KIF22: variants seen among roughly 807,000 people sequenced by gnomAD.
The protein encoded by KIF22 is kinesin-like protein KIF22.
A neutral mutation model predicts 73.0 loss-of-function variants in KIF22; 62 were observed. The ratio of observed to expected loss-of-function variants is 0.85; its 90% confidence interval spans 0.69 to 1.05. The LOEUF (loss-of-function observed/expected upper bound fraction) is 1.05. KIF22 is among the 50% of genes least tolerant of loss of function. The probability of loss-of-function intolerance (pLI) is 0.00; values close to 1 mark genes in which losing one functional copy is unlikely to be tolerated. For synonymous variants in KIF22, 411 were observed against 340.1 expected, an observed-to-expected ratio of 1.21 and a Z score of -2.29; for missense variants, 854 against 870.1, an observed-to-expected ratio of 0.98 and a Z score of 0.23.
At chr16:29,801,738 G>A (rs1191132410) in intron 8 of KIF22, among the ~76,000 whole-genome samples, 1 of 152,162 alleles carries the variant, frequency 6.6e-6, no homozygotes, top group Non-Finnish European at 1.5e-5. Flanking sequence ...GAGTCAGGAA[G>A]GAAGAGATGA....
rs374120357 is a variant in KIF22, at chr16:29,805,175, G to A, written c.1950+1G>A. ...GAAACAGATGGAGTCCTTCCTGAAG[G>A]TGAAGTCACGGCCCTGCCCCTCCTC... On this transcript the variant is annotated splice_donor_variant, in intron 13 of 13. Transcript: ENST00000160827. LOFTEE classifies it high-confidence loss of function. The A allele has an allele frequency of 6.2e-7, 1 of 1,613,964 alleles. No individual in the cohort carries two copies. The highest frequency in any genetic ancestry group is 1.7e-5 in the Admixed American group (1 of 59,996).
chr16:29,793,700 T>G (rs1898879925), intron 1 of KIF22, among the ~76,000 whole-genome samples: 1 of 151,966 alleles, frequency 6.6e-6, no homozygotes, highest in South Asian at 2.1e-4. Context: ...AAGCATATGC[T>G]AACAGTCTAA....
chr16:29,800,366 A>G, intron 8 of KIF22: 1 of 227,566 alleles, frequency 4.4e-6, no homozygotes, highest in Non-Finnish European at 8.8e-6. Flanking sequence ...CTGAGGCAGG[A>G]GAATCCCTTG....
In KIF22 at chr16:29,799,296, C is replaced by G; in HGVS notation, c.792C>G (p.Arg264=). The change falls in exon 6 of 14, where the codon CGC becomes CGG. Residue 264 remains arginine (R), a synonymous_variant. Transcript: ENST00000160827. The part of the protein sequence containing the change: ...VDQRERLAPF[R]QREGKLYLID... ...AGCGGGAACGTTTGGCCCCATTTCG[C>G]CAGCGAGAGGGAAAACTCTACCTGA... 1 of 1,614,060 alleles carries G rather than the reference C, an allele frequency of 6.2e-7. No individual in the cohort carries two copies. Among genetic ancestry groups the G allele is most frequent in the Non-Finnish European group, 8.5e-7 (1 of 1,179,966 alleles).
rs777665505 is a variant in KIF22 at position 29,797,107 on chromosome 16, C to T, written c.266+19C>T. 6.2e-5 allele frequency: 95 copies of T among 1,532,088 alleles called. 1 individual carries two copies. The Middle Eastern group carries it at 3.9e-3, about 62-fold the overall frequency. 94.9% of individuals were successfully genotyped at this position (1,532,088 alleles called of 1,614,324 possible). ...AATACCAGTAAGGTTCAGGCCACTC[C>T]TCTTCCCTCATGCCATCACCTCCCT... On this transcript the variant is annotated intron_variant, in intron 2 of 13. Transcript: ENST00000160827. The surrounding 1 kb of genome is among the most constrained non-coding windows in gnomAD (Gnocchi z 4.1).
chr16:29,796,117 A>T (rs1898942190), intron 1 of KIF22, among the ~76,000 whole-genome samples: 1 of 151,914 alleles, frequency 6.6e-6, no homozygotes, highest in Non-Finnish European at 1.5e-5. Context: ...CTGAAGATAC[A>T]AAAACTAGCC....
In KIF22 at chr16:29,804,321, A is replaced by G. The variant is rs1899261665; in HGVS notation, c.1677+256A>G. The G allele has an allele frequency of 1.3e-5, 8 of 602,926 alleles. No individual in the cohort carries two copies. In the South Asian group the frequency reaches 1.6e-4, roughly 12 times the overall value. 37.3% of individuals were successfully genotyped at this position (602,926 alleles called of 1,614,324 possible). A position where few individuals can be genotyped will look rare whatever the true frequency, so the allele number is the denominator to read the frequency against. The stretch of plus-strand genomic sequence containing the variant: ...TGTAGCCTGGCTTCTACCCTCTACA[A>G]GCTTAAGAGGGAAAACTTAGGGAAC... On this transcript the variant is annotated intron_variant, in intron 11 of 13. Transcript: ENST00000160827.
intron 1 of KIF22, among the ~76,000 whole-genome samples, chr16:29,793,402 A>G (rs908253815): frequency 6.6e-6 from 1 of 152,038 alleles, no homozygotes; most frequent in Non-Finnish European, 1.5e-5. Flanking sequence ...GCGCCACTGC[A>G]CTCCAGCCTG....
At position 29,803,474 on chromosome 16, in the gene KIF22, T is replaced by A. The variant is rs763300731; in HGVS notation, c.1475T>A (p.Leu492Gln). 14 of 1,614,066 alleles carry A rather than the reference T, an allele frequency of 8.7e-6. No individual in the cohort carries two copies. Residue 492 changes from leucine to glutamine, a missense_variant, in exon 10 of 14, where the codon CTG (leucine) becomes CAG (glutamine). Coordinates refer to ENST00000160827, the MANE Select transcript of KIF22 (RefSeq NM_007317.3). ...IERLKTKQKE[L>Q]EAKMLAQKAE... ...AGGCTTAAGACGAAGCAAAAAGAAC[T>A]GGAGGCCAAGATGTTGGCCCAGAAG... is the stretch of plus-strand genomic sequence containing the variant.
chr16:29,793,144 C>T (rs1240918867), intron 1 of KIF22, among the ~76,000 whole-genome samples: 3 of 152,086 alleles, frequency 2.0e-5, no homozygotes, highest in Admixed American at 2.0e-4. Context: ...CAGTTTAGGA[C>T]AGGTGGAGTT....
chr16:29,796,835 C>A, intron 1 of KIF22, 58 bp from the exon 2 acceptor site: 1 of 1,564,620 alleles, frequency 6.4e-7, no homozygotes. Context: ...CAAAGTTGGT[C>A]CCTGCTTCTT....
chr16:29,799,845 C>T, intron 7 of KIF22, 64 bp downstream of exon 7: 1 of 1,612,160 alleles, frequency 6.2e-7, no homozygotes, highest in South Asian at 1.1e-5. Context: ...TTGTTGAAAC[C>T]ACCAAGCATC....
intron 13 of KIF22, 24 bp from the exon 14 acceptor site, chr16:29,805,239 G>C (rs1403051219): frequency 4.3e-6 from 7 of 1,613,798 alleles, no homozygotes; most frequent in Non-Finnish European, 5.9e-6. Flanking sequence ...TAACGTCGCT[G>C]TCTCCCTCCC....
intron 12 of KIF22, 43 bp from the exon 13 acceptor site, chr16:29,805,072 G>GGTACCCCCGAGACCCT: frequency 6.2e-7 from 1 of 1,612,956 alleles, no homozygotes; most frequent in Non-Finnish European, 8.5e-7. Context: ...GGGGAGACCG[G>GGTACCCCCGAGACCCT]GTACCCCCGA....
Position 29,805,008 on chromosome 16 carries a change from C to A in KIF22, c.1872C>A (p.Leu624=), listed in dbSNP as rs767489706. 2.5e-6 allele frequency: 4 copies of A among 1,610,478 alleles called. No homozygotes were observed. The South Asian group carries it at 3.3e-5, about 13-fold the overall frequency. The change falls in exon 12 of 14, where the codon CTC becomes CTA. Residue 624 remains leucine (L), a synonymous_variant. Transcript: ENST00000160827. Reference sequence around the variant, plus strand: ...AGCTAATCGTGGGCTGGCGGGAGCTCCACGGCCCCTTCAGCCAGGTAGCAG... The same window carrying A: ...AGCTAATCGTGGGCTGGCGGGAGCTACACGGCCCCTTCAGCCAGGTAGCAG... The part of the protein sequence containing the change: ...KAQLIVGWRE[L]HGPFSQVEDL...
At chr16:29,804,378 C>CAT (rs1169725475) in intron 11 of KIF22, 1 of 606,074 alleles carries the variant, frequency 1.6e-6, no homozygotes, top group Non-Finnish European at 2.9e-6. Context: ...AGAAACCACA[C>CAT]ATATGCACAT....
In KIF22 at chr16:29,790,825, C is replaced by G. The variant is rs2142362255; in HGVS notation, c.66C>G (p.Ile22Met). 1 of 1,601,314 alleles carries G rather than the reference C, an allele frequency of 6.2e-7. No individual in the cohort carries two copies. Among genetic ancestry groups the G allele is most frequent in the Non-Finnish European group, 8.5e-7 (1 of 1,174,142 alleles). Reference sequence around the variant, plus strand: ...TGGCGGCAGCTTCAGCGGCGGCGATCTCAGGTACTTGAGCCCGGCCTGGGC... The same window carrying G: ...TGGCGGCAGCTTCAGCGGCGGCGATGTCAGGTACTTGAGCCCGGCCTGGGC... ...REMAAASAAA[I>M]SGAGRCRLSK... The change falls in exon 1 of 14, where the codon ATC becomes ATG. Residue 22 changes from isoleucine (I) to methionine (M), a missense_variant. Ile to Met is a conservative substitution (Grantham distance 10, BLOSUM62 1). This residue lies in a region of KIF22 where 186 missense variants were observed against 152.9 expected (regional missense o/e 1.22). Coordinates refer to ENST00000160827, the MANE Select transcript of KIF22 (RefSeq NM_007317.3).
Position 29,799,769 on chromosome 16 carries a change from C to T in KIF22, c.1132C>T (p.Leu378=), listed in dbSNP as rs1899070290. The T allele has an allele frequency of 1.2e-6, 2 of 1,613,650 alleles. No homozygotes were observed. Among genetic ancestry groups the T allele is most frequent in the Non-Finnish European group, 1.7e-6 (2 of 1,179,752 alleles). The stretch of plus-strand genomic sequence containing the variant: ...CAATCGGCCTTTTACCAATGAGAGC[C>T]TGCAGCCTCATGGTGAGAACTGGGG... ...VINRPFTNES[L]QPHALGPVKL... Residue 378 remains leucine, a synonymous_variant, in exon 7 of 14, where the codon CTG becomes TTG. Coordinates refer to ENST00000160827, the MANE Select transcript of KIF22 (RefSeq NM_007317.3).
In KIF22 at chr16:29,790,777, G is replaced by C. The variant is rs774657937; in HGVS notation, c.18G>C (p.Ser6=). The change falls in exon 1 of 14, where the codon TCG becomes TCC. Residue 6 remains serine (S), a synonymous_variant. Coordinates refer to ENST00000160827, the MANE Select transcript of KIF22 (RefSeq NM_007317.3). ...GGAGTGGAATGGCCGCGGGCGGCTC[G>C]ACGCAGCAGAGGCGACGCGAGATGG... The part of the protein sequence containing the change: MAAGG[S]TQQRRREMAA... 5.0e-6 allele frequency: 8 copies of C among 1,599,960 alleles called. No individual in the cohort carries two copies. The highest frequency in any genetic ancestry group is 3.4e-5 in the Admixed American group (2 of 58,108).
Sources: gnomAD v4.1 joint callset for allele counts (sites outside exome capture counted in the v4.1 genomes callset) on GRCh38, gnomAD v4.1.1 for gene constraint, gnomAD v4.1.1 regional missense constraint, Gnocchi (gnomAD v3.1) non-coding constraint, MANE v1.5 for transcripts, NCBI Gene and HGNC (gene_info 2026-07-23, HGNC 2026-07-21) for gene names.